The following ANK2 variants were observed in gnomAD, a reference collection of about 807,000 sequenced individuals.
ANK2 encodes ankyrin-2.
In ANK2, 83 loss-of-function variants were observed where a neutral mutation model predicts 360.5. That is an observed-to-expected ratio of 0.23 (90% confidence interval 0.19 to 0.28). The LOEUF is 0.28. Ranked by LOEUF, ANK2 falls within the 10% of genes least tolerant of loss-of-function variation. The pLI is 1.00. For missense variants in ANK2, 4,201 were observed against 4,795.7 expected, an observed-to-expected ratio of 0.88 and a Z score of 3.66; for synonymous variants, 1,740 against 1,759.5, an observed-to-expected ratio of 0.99 and a Z score of 0.28.
Position 113,354,227 on chromosome 4 carries a change from C to T in ANK2, c.5609C>T (p.Ser1870Leu), listed in dbSNP as rs869025360. 1.9e-5 allele frequency: 31 copies of T among 1,614,060 alleles called. No individual in the cohort carries two copies. Among genetic ancestry groups the T allele is most frequent in the Non-Finnish European group, 2.5e-5 (30 of 1,179,940 alleles). ...SAKTERHSPA[S>L]SSSKTEKHSP... ...AAAACGGAAAGACATTCACCTGCGTCATCATCGAGTAAAACTGAGAAACAC... is the reference window on the plus strand; with the variant it reads ...AAAACGGAAAGACATTCACCTGCGTTATCATCGAGTAAAACTGAGAAACAC... Residue 1870 changes from serine (S) to leucine (L), a missense_variant, in exon 38 of 46, where the codon TCA (serine) becomes TTA (leucine). Ser to Leu is a moderately radical substitution (Grantham distance 145). Coordinates refer to ENST00000357077, the MANE Select transcript of ANK2 (RefSeq NM_001148.6).
intron 1 of ANK2, among the ~76,000 whole-genome samples, chr4:113,079,041 T>C (rs1431597042): frequency 1.3e-5 from 2 of 152,176 alleles, no homozygotes; most frequent in East Asian, 3.8e-4. Context: ...GTTGACTTGC[T>C]CCCAAAATTC....
At chr4:112,736,929 T>A in the ANK2 span, among the ~76,000 whole-genome samples, 4 of 152,180 alleles carry the variant, frequency 2.6e-5, no homozygotes, top group African/African-American at 9.7e-5. Context: ...ACAATTACAT[T>A]GTTCTCATGA....
At chr4:113,138,707 C>T (rs1186160952) in intron 1 of ANK2, among the ~76,000 whole-genome samples, 1 of 152,176 alleles carries the variant, frequency 6.6e-6, no homozygotes, top group East Asian at 1.9e-4. Context: ...CAGAACTGAG[C>T]TCTGTGTTAC....
chr4:113,073,243 A>G (rs765578287), intron 1 of ANK2, among the ~76,000 whole-genome samples: 1 of 151,992 alleles, frequency 6.6e-6, no homozygotes, highest in African/African-American at 2.4e-5. Flanking sequence ...GTAGTGAGCC[A>G]CCGTGTCTGG....
intron 1 of ANK2, among the ~76,000 whole-genome samples, chr4:113,102,036 T>A (rs150254558): frequency 6.6e-6 from 1 of 152,108 alleles, no homozygotes; most frequent in South Asian, 2.1e-4. Context: ...CTAAGTTTAA[T>A]GGAAATTTAT....
intron 1 of ANK2, among the ~76,000 whole-genome samples, chr4:113,167,129 G>GA (rs2097777500): frequency 6.6e-6 from 1 of 151,812 alleles, no homozygotes; most frequent in African/African-American, 2.4e-5. Context: ...CCTCCAGTGT[G>GA]AAAAAAAGAT....
At chr4:112,926,570 A>G (rs1032845264) in intron 2 of ANK2, among the ~76,000 whole-genome samples, 1 of 152,318 alleles carries the variant, frequency 6.6e-6, no homozygotes, top group Middle Eastern at 3.4e-3. Flanking sequence ...ACCTCCAGGA[A>G]TTATCTGATT....
chr4:113,047,098 T>C (rs2064744064), upstream of ANK2, among the ~76,000 whole-genome samples: 1 of 152,222 alleles, frequency 6.6e-6, no homozygotes, highest in South Asian at 2.1e-4. Flanking sequence ...CTTCTTTTCA[T>C]GGTATAATAG....
Position 113,336,640 on chromosome 4 carries a change from A to G in ANK2, c.3655A>G (p.Ile1219Val), listed in dbSNP as rs1162544118. Residue 1219 changes from isoleucine (I) to valine (V), a missense_variant, in exon 31 of 46, where the codon ATA becomes GTA. Ile to Val is a conservative substitution (Grantham distance 29, BLOSUM62 3). This residue lies in a region of ANK2 where 1,268 missense variants were observed against 1,650.8 expected (regional missense o/e 0.77). Transcript: ENST00000357077. ...AGGCAACAAAGCTACCTTCAGCCCT[A>G]TAGTCACTTTGGAACCTAGAAGAAG... ...ILGNKATFSP[I>V]VTLEPRRRKF... 5 of 1,614,074 alleles carry G rather than the reference A, an allele frequency of 3.1e-6. No individual in the cohort carries two copies. The Admixed American group carries it at 5.0e-5, about 16-fold the overall frequency.
intron 26 of ANK2, chr4:113,323,921 A>G (rs898506460): frequency 5.4e-6 from 4 of 746,588 alleles, no homozygotes; most frequent in Non-Finnish European, 8.1e-6. Context: ...AGAGATAGAA[A>G]GATTGATGTT....
the ANK2 span, chr4:112,787,935 A>G: frequency 1.7e-6 from 1 of 595,864 alleles, no homozygotes; most frequent in East Asian, 2.8e-5. Context: ...GTCTCCTGAC[A>G]TCCTCCATGT....
intron 2 of ANK2, among the ~76,000 whole-genome samples, chr4:112,918,803 T>C (rs1330430088): frequency 6.6e-6 from 1 of 152,196 alleles, no homozygotes; most frequent in East Asian, 1.9e-4. Context: ...AGATTGTCCT[T>C]GACAGTTTGT....
chr4:113,286,137 T>C (rs762266985), intron 18 of ANK2, among the ~76,000 whole-genome samples: 1 of 152,210 alleles, frequency 6.6e-6, no homozygotes, highest in Non-Finnish European at 1.5e-5. Context: ...TCACTTCATG[T>C]GATGATCACT....
At chr4:113,185,978 A>T (rs1000941119) in intron 2 of ANK2, among the ~76,000 whole-genome samples, 5 of 152,144 alleles carry the variant, frequency 3.3e-5, no homozygotes, top group Non-Finnish European at 5.9e-5. Flanking sequence ...GCACAGCTTG[A>T]GCAGACTTAA....
intron 2 of ANK2, among the ~76,000 whole-genome samples, chr4:112,982,887 A>T (rs1398708142): frequency 2.0e-5 from 3 of 152,118 alleles, no homozygotes; most frequent in African/African-American, 4.8e-5. Flanking sequence ...AGAGATGAAA[A>T]AGCTGTTTTG....
intron 2 of ANK2, among the ~76,000 whole-genome samples, chr4:112,985,907 A>AGTGTAC (rs1182657519): frequency 1.3e-5 from 2 of 151,912 alleles, no homozygotes; most frequent in Non-Finnish European, 2.9e-5. Flanking sequence ...TGATGGGTGC[A>AGTGTAC]CCAAAATCTC....
At chr4:112,958,462 C>T (rs1400353913) in intron 2 of ANK2, among the ~76,000 whole-genome samples, 1 of 152,164 alleles carries the variant, frequency 6.6e-6, no homozygotes, top group African/African-American at 2.4e-5. Context: ...GGCGTGGCGG[C>T]GTGCGCCTGC....
chr4:112,706,858 C>T, the ANK2 span: 1 of 152,178 alleles, frequency 6.6e-6, no homozygotes, highest in East Asian at 1.9e-4. Context: ...GAGGAATGCA[C>T]GTTTCTTTGA....
At chr4:112,900,671 T>G (rs893642337) in intron 1 of ANK2, among the ~76,000 whole-genome samples, 1 of 152,154 alleles carries the variant, frequency 6.6e-6, no homozygotes, top group Non-Finnish European at 1.5e-5. Context: ...TTCCTTCAAG[T>G]CTCCCTCTTT....
Sources: allele counts gnomAD v4.1 joint callset (sites outside exome capture counted in the v4.1 genomes callset), GRCh38; gene constraint gnomAD v4.1.1; regional missense constraint gnomAD v4.1.1; transcripts MANE v1.5; gene names NCBI Gene and HGNC (gene_info 2026-07-23, HGNC 2026-07-21).